The following NTM variants were observed in gnomAD, a reference collection of about 807,000 sequenced individuals.
NTM encodes IgLON family member 2.
Under a neutral mutation model 42.1 loss-of-function variants are expected in NTM, and 13 were observed. The observed-to-expected ratio is 0.31, with a 90% CI of 0.20 to 0.49. The LOEUF (loss-of-function observed/expected upper bound fraction) is 0.49. NTM is among the 20% of genes least tolerant of loss of function. The pLI, the probability that NTM is intolerant of heterozygous loss-of-function variation, is 0.99. For synonymous variants in NTM, 187 were observed against 179.2 expected (o/e 1.04, Z -0.35); for missense variants, 373 against 452.8 (o/e 0.82, Z 1.60).
chr11:131,429,390 C>T (rs1166334336), intron 1 of NTM, among the ~76,000 whole-genome samples: 2 of 152,008 alleles, frequency 1.3e-5, no homozygotes, highest in Non-Finnish European at 2.9e-5. Context: ...GTCAAGAGAC[C>T]CACTCTACCA....
chr11:131,439,507 C>T (rs2135964821), intron 1 of NTM, among the ~76,000 whole-genome samples: 1 of 152,330 alleles, frequency 6.6e-6, no homozygotes, highest in East Asian at 1.9e-4. Context: ...ACTCAAGTCT[C>T]AGCAATGGTG....
At chr11:131,867,031 G>A (rs903895290) in intron 1 of NTM, among the ~76,000 whole-genome samples, 3 of 152,162 alleles carry the variant, frequency 2.0e-5, no homozygotes, top group African/African-American at 7.2e-5. Context: ...TTCCTTCTGG[G>A]CCTCTTGGAC....
chr11:132,126,873 T>C (rs918279730), intron 2 of NTM, among the ~76,000 whole-genome samples: 23 of 152,178 alleles, frequency 1.5e-4, no homozygotes, highest in African/African-American at 5.1e-4. Context: ...AAGCGTGGTT[T>C]AATTTACAGG....
chr11:131,712,554 A>G (rs763115299), intron 1 of NTM, among the ~76,000 whole-genome samples: 4 of 151,954 alleles, frequency 2.6e-5, no homozygotes, highest in Non-Finnish European at 4.4e-5. Context: ...TTCTCTTCCT[A>G]CTTCTTTGCA....
At chr11:131,957,234 G>A (rs1299870529) in intron 2 of NTM, among the ~76,000 whole-genome samples, 1 of 152,176 alleles carries the variant, frequency 6.6e-6, no homozygotes, top group Non-Finnish European at 1.5e-5. Context: ...ACATATATGA[G>A]AGGTAAAAGA....
intron 2 of NTM, among the ~76,000 whole-genome samples, chr11:132,023,477 C>G (rs1430904853): frequency 6.6e-6 from 1 of 152,130 alleles, no homozygotes; most frequent in Non-Finnish European, 1.5e-5. Context: ...AAGGTGTTGA[C>G]CCTGGCTGCA....
intron 1 of NTM, among the ~76,000 whole-genome samples, chr11:131,849,691 C>T (rs1243942019): frequency 2.0e-5 from 3 of 151,676 alleles, no homozygotes; most frequent in African/African-American, 7.3e-5. Flanking sequence ...GAAAAGTCTC[C>T]ACTGACAAAA....
At chr11:131,767,059 A>T (rs902803913) in intron 1 of NTM, 1 of 575,406 alleles carries the variant, frequency 1.7e-6, no homozygotes, top group African/African-American at 2.0e-5. Flanking sequence ...TATTTCAGTC[A>T]TCTCTCTGTG....
At chr11:132,166,338 T>A (rs1311274708) in intron 3 of NTM, among the ~76,000 whole-genome samples, 1 of 152,194 alleles carries the variant, frequency 6.6e-6, no homozygotes. Flanking sequence ...TCTATTAGTC[T>A]GTTGCAGAAA....
chr11:131,521,828 C>G (rs1382003374), intron 1 of NTM, among the ~76,000 whole-genome samples: 2 of 152,082 alleles, frequency 1.3e-5, no homozygotes, highest in Admixed American at 6.6e-5. Flanking sequence ...AAACATGCTG[C>G]CCTGTCCTCA....
intron 3 of NTM, among the ~76,000 whole-genome samples, chr11:132,204,350 C>A (rs1455262179): frequency 6.6e-6 from 1 of 152,178 alleles, no homozygotes; most frequent in Non-Finnish European, 1.5e-5. Context: ...TACAGTAATT[C>A]ATTCACTCAG....
chr11:131,374,180 G>T (rs1253456200), intron 1 of NTM, among the ~76,000 whole-genome samples: 1 of 152,220 alleles, frequency 6.6e-6, no homozygotes, highest in Non-Finnish European at 1.5e-5. Flanking sequence ...GAGCCTCATC[G>T]AATGGAACCT....
At chr11:131,516,297 T>C (rs424999) in intron 1 of NTM, among the ~76,000 whole-genome samples, 47,326 of 152,148 alleles carry the variant, frequency 0.31, 7,544 homozygotes, top group East Asian at 0.4. Context: ...TTCAGGGGCG[T>C]GTAGTACATT....
chr11:131,373,822 C>T (rs919159941), intron 1 of NTM, among the ~76,000 whole-genome samples: 1 of 152,212 alleles, frequency 6.6e-6, no homozygotes, highest in Admixed American at 6.5e-5. Flanking sequence ...CCTCACCTCT[C>T]CTCACATCCC....
chr11:131,855,556 T>C (rs2136891465), intron 1 of NTM, among the ~76,000 whole-genome samples: 1 of 152,282 alleles, frequency 6.6e-6, no homozygotes, highest in South Asian at 2.1e-4. Context: ...ACCACATCAT[T>C]TTCCTTTTTC....
chr11:132,094,833 GTA>G (rs1394097059), intron 2 of NTM, among the ~76,000 whole-genome samples: 4 of 152,100 alleles, frequency 2.6e-5, no homozygotes, highest in South Asian at 2.1e-4. Flanking sequence ...GCATCAGTGT[GTA>G]TGTGTGTGTG....
intron 1 of NTM, among the ~76,000 whole-genome samples, chr11:131,783,155 T>C (rs575294150): frequency 1.3e-5 from 2 of 152,248 alleles, no homozygotes; most frequent in African/African-American, 4.8e-5. Context: ...TACCAATATA[T>C]AGAAATCAAG....
intron 2 of NTM, among the ~76,000 whole-genome samples, chr11:132,119,564 A>G (rs977588394): frequency 1.3e-5 from 2 of 152,232 alleles, no homozygotes; most frequent in Admixed American, 1.3e-4. Context: ...TTACCGTTCA[A>G]TCAGGACGGG....
At chr11:131,931,464 T>C (rs2058599593) in intron 2 of NTM, among the ~76,000 whole-genome samples, 1 of 124,820 alleles carries the variant, frequency 8.0e-6, no homozygotes, top group African/African-American at 3.1e-5. Flanking sequence ...AATAATAATA[T>C]ATACGTGTGT....
Sources: allele counts gnomAD v4.1 joint callset (sites outside exome capture counted in the v4.1 genomes callset), GRCh38; gene constraint gnomAD v4.1.1; transcripts MANE v1.5; gene names NCBI Gene and HGNC (gene_info 2026-07-23, HGNC 2026-07-21).